SH3BGRL: variants seen among roughly 807,000 people sequenced by gnomAD.
SH3BGRL encodes adapter SH3BGRL.
Under a neutral mutation model 9.8 loss-of-function variants are expected in SH3BGRL, and 7 were observed. That is an observed-to-expected ratio of 0.72 (90% CI 0.41 to 1.35). SH3BGRL has a LOEUF of 1.35. Ranked by LOEUF, SH3BGRL falls within the 40% of genes most tolerant of loss-of-function variation. The pLI, the probability that SH3BGRL is intolerant of heterozygous loss-of-function variation, is 0.01. For synonymous variants in SH3BGRL, 36 were observed against 29.1 expected, an observed-to-expected ratio of 1.24 and a Z score of -0.76; for missense variants, 73 against 84.4, an observed-to-expected ratio of 0.86 and a Z score of 0.53.
intron 1 of SH3BGRL, among the ~76,000 whole-genome samples, chrX:81,276,580 A>G (rs996669994): frequency 3.6e-5 from 4 of 111,293 alleles, no homozygotes; most frequent in Non-Finnish European, 5.7e-5. Context: ...TCTTGTTAAG[A>G]TGGGAAGCAG....
chrX:81,220,355 A>G (rs2075596488), intron 1 of SH3BGRL, among the ~76,000 whole-genome samples: 1 of 111,253 alleles, frequency 9.0e-6, no homozygotes, highest in East Asian at 2.8e-4. Context: ...TGTAAGTTGT[A>G]TCTGTCTAGG....
intron 1 of SH3BGRL, among the ~76,000 whole-genome samples, chrX:81,226,283 G>A (rs1288545145): frequency 3.6e-5 from 4 of 110,007 alleles, no homozygotes; most frequent in Non-Finnish European, 7.6e-5. Context: ...TCCCTGGCAT[G>A]TCTCCTTGCA....
intron 1 of SH3BGRL, among the ~76,000 whole-genome samples, chrX:81,234,049 A>G (rs1343011468): frequency 1.8e-5 from 2 of 111,507 alleles, no homozygotes; most frequent in East Asian, 2.8e-4. Context: ...TTTGTCTTTC[A>G]TTAATTTACT....
rs188792664 is a variant in SH3BGRL at position 81,297,174 on chromosome X, T to G, written c.313-21T>G. ...CTCTGTGATGTTTAAACTTATCTGTTTTGTTTGTTTTTCATTTCAGGAAGC... is the reference window on the plus strand; with the variant it reads ...CTCTGTGATGTTTAAACTTATCTGTGTTGTTTGTTTTTCATTTCAGGAAGC... On this transcript the variant is annotated intron_variant, in intron 3 of 3. Coordinates refer to ENST00000373212, the MANE Select transcript of SH3BGRL (RefSeq NM_003022.3). 3.3e-6 allele frequency: 4 copies of G among 1,198,550 alleles called. No individual in the cohort carries two copies. Among genetic ancestry groups the G allele is most frequent in the Non-Finnish European group, 4.5e-6 (4 of 885,917 alleles).
intron 1 of SH3BGRL, among the ~76,000 whole-genome samples, chrX:81,235,360 TGG>T (rs746197146): frequency 4.5e-5 from 5 of 110,440 alleles, no homozygotes; most frequent in African/African-American, 1.3e-4. Context: ...TTGGAAGGGC[TGG>T]GGAGAGAGAA....
At position 81,288,365 on chromosome X, in the gene SH3BGRL, A is replaced by G. The variant is rs1031654849; in HGVS notation, c.313-8830A>G. On this transcript the variant is annotated intron_variant, in intron 3 of 3. Transcript: ENST00000373212. ...TGAGGAAAAACTGAATGCCTTTCCT[A>G]TAAGATATGGAGCACTACATTGATG... 6.2e-5 allele frequency among the ~76,000 whole-genome samples: 7 copies of G among 112,333 alleles called. No individual in the cohort carries two copies. In the South Asian group the frequency reaches 1.8e-3, roughly 30 times the overall value.
chrX:81,267,503 T>G (rs1457337127), intron 1 of SH3BGRL, among the ~76,000 whole-genome samples: 1 of 111,930 alleles, frequency 8.9e-6, no homozygotes, highest in Non-Finnish European at 1.9e-5. Flanking sequence ...ATGTGATGGA[T>G]TACGTTTATT....
At chrX:81,267,373 T>G (rs1358178891) in intron 1 of SH3BGRL, among the ~76,000 whole-genome samples, 1 of 111,877 alleles carries the variant, frequency 8.9e-6, no homozygotes, top group African/African-American at 3.3e-5. Context: ...TATGTTGAGA[T>G]ACGTTTCACT....
chrX:81,270,725 C>A (rs866705038), intron 1 of SH3BGRL, among the ~76,000 whole-genome samples: 1 of 111,903 alleles, frequency 8.9e-6, no homozygotes, highest in Non-Finnish European at 1.9e-5. Context: ...TATTGGAGCT[C>A]GAACACCATG....
At chrX:81,237,247 C>A (rs989496233) in intron 1 of SH3BGRL, 1 of 342,208 alleles carries the variant, frequency 2.9e-6, no homozygotes, top group African/African-American at 2.6e-5. Context: ...TCTACATGCA[C>A]ACACACAAAA....
intron 1 of SH3BGRL, among the ~76,000 whole-genome samples, chrX:81,268,295 C>T (rs1204940887): frequency 9.0e-6 from 1 of 111,010 alleles, no homozygotes; most frequent in Non-Finnish European, 1.9e-5. Context: ...TTCTCTAGTT[C>T]TTTTAATTGT....
chrX:81,233,884 G>T (rs1395197061), intron 1 of SH3BGRL, among the ~76,000 whole-genome samples: 4 of 111,686 alleles, frequency 3.6e-5, no homozygotes, highest in Non-Finnish European at 7.6e-5. Flanking sequence ...CAAAAAGTTT[G>T]AATTTAAACT....
At chrX:81,264,039 G>T (rs1179235953) in intron 1 of SH3BGRL, among the ~76,000 whole-genome samples, 1 of 109,295 alleles carries the variant, frequency 9.1e-6, no homozygotes. Context: ...CATAATAGGG[G>T]GTTAGGACTT....
chrX:81,238,373 G>A (rs192521706), intron 1 of SH3BGRL, among the ~76,000 whole-genome samples: 48 of 112,675 alleles, frequency 4.3e-4, no homozygotes, highest in Non-Finnish European at 8.1e-4. Context: ...CCCATGGCCT[G>A]TGGTGGCAGT....
At chrX:81,252,994 G>A (rs1298073598) in intron 1 of SH3BGRL, among the ~76,000 whole-genome samples, 4 of 111,961 alleles carry the variant, frequency 3.6e-5, no homozygotes, top group African/African-American at 9.7e-5. Flanking sequence ...CTTTCAATAA[G>A]GATTCTATGT....
chrX:81,245,947 A>G (rs1222386053), intron 1 of SH3BGRL, among the ~76,000 whole-genome samples: 3 of 112,159 alleles, frequency 2.7e-5, no homozygotes, highest in African/African-American at 9.7e-5. Flanking sequence ...TCAACAGCAT[A>G]TAAGCATTCC....
intron 3 of SH3BGRL, among the ~76,000 whole-genome samples, chrX:81,294,503 A>T (rs1234270050): frequency 9.1e-6 from 1 of 110,367 alleles, no homozygotes; most frequent in East Asian, 2.9e-4. Context: ...GAGGTTTGGG[A>T]ATCTCTGCCT....
intron 3 of SH3BGRL, among the ~76,000 whole-genome samples, chrX:81,285,551 G>C (rs756741482): frequency 1.8e-5 from 2 of 111,569 alleles, no homozygotes; most frequent in Non-Finnish European, 3.8e-5. Context: ...GAATAGAAGT[G>C]TTAATTATAA....
chrX:81,259,600 T>A (rs1288028463), intron 1 of SH3BGRL, among the ~76,000 whole-genome samples: 1 of 112,198 alleles, frequency 8.9e-6, no homozygotes, highest in Non-Finnish European at 1.9e-5. Context: ...AAGGTCAACA[T>A]ATGCTAGGCT....
Sources: allele counts gnomAD v4.1 joint callset (sites outside exome capture counted in the v4.1 genomes callset), GRCh38; gene constraint gnomAD v4.1.1; transcripts MANE v1.5; gene names NCBI Gene and HGNC (gene_info 2026-07-23, HGNC 2026-07-21).